The following UBR3 variants were observed in gnomAD, a reference collection of about 807,000 sequenced individuals.
The protein encoded by UBR3 is ubiquitin protein ligase E3 component n-recognin 3, also known as E3 ubiquitin-protein ligase UBR3.
A neutral mutation model predicts 243.2 loss-of-function variants in UBR3; 85 were observed. That is an observed-to-expected ratio of 0.35 (90% confidence interval 0.29 to 0.42). The LOEUF is 0.42. Among genes scored for constraint, UBR3 ranks in the 10% least tolerant of loss-of-function variants. The pLI is 1.00. For synonymous variants in UBR3, 748 were observed against 799.8 expected (o/e 0.94, Z 1.09); for missense variants, 1,686 against 2,300.8 (o/e 0.73, Z 5.47).
chr2:170,031,888 T>C (rs1022057303), intron 31 of UBR3, among the ~76,000 whole-genome samples: 14 of 152,172 alleles, frequency 9.2e-5, no homozygotes, highest in East Asian at 7.7e-4. Flanking sequence ...TAGTCCATGG[T>C]ATATAGGTAC....
At chr2:169,945,125 T>A (rs1395863780) in intron 20 of UBR3, among the ~76,000 whole-genome samples, 2 of 151,998 alleles carry the variant, frequency 1.3e-5, no homozygotes, top group Non-Finnish European at 2.9e-5. Flanking sequence ...TAATTTCAGT[T>A]TTATTTTTCT....
At position 170,001,548 on chromosome 2, in the gene UBR3, C is replaced by T. The variant is rs2089696455; in HGVS notation, c.4029+134C>T. The T allele has an allele frequency of 9.5e-5, 57 of 598,514 alleles. No individual in the cohort carries two copies. In the South Asian group the frequency reaches 1.2e-3, roughly 13 times the overall value. 37.1% of individuals were successfully genotyped at this position (598,514 alleles called of 1,614,324 possible). On this transcript the variant is annotated intron_variant, in intron 27 of 38. Coordinates refer to ENST00000272793, the MANE Select transcript of UBR3 (RefSeq NM_172070.4). ...TCATCGTATAAACTATCCAGTCTCA[C>T]TTTAACACAGACCTGTTCAACTTCA...
In UBR3 at chr2:170,052,450, CTAAG is replaced by C. The variant is rs140960436; in HGVS notation, c.4661-3008_4661-3005del. ...ACAATAGCCAAGATATGGAAACCAC[CTAAG>C]TGTCTGTCAATGGATGAATAAAGAT... On this transcript the variant is annotated intron_variant, in intron 32 of 38. Transcript: ENST00000272793. Among the ~76,000 whole-genome samples, 521 of 152,250 alleles carry C rather than the reference CTAAG, an allele frequency of 3.4e-3. 2 individuals carry two copies. Among genetic ancestry groups the C allele is most frequent in the African/African-American group, 0.012 (502 of 41,558 alleles).
intron 28 of UBR3, among the ~76,000 whole-genome samples, chr2:170,008,104 G>A (rs2089978028): frequency 6.6e-6 from 1 of 152,114 alleles, no homozygotes; most frequent in Non-Finnish European, 1.5e-5. Flanking sequence ...TCAGACTACT[G>A]TAGGGGGGAA....
intron 31 of UBR3, among the ~76,000 whole-genome samples, chr2:170,031,221 C>T (rs546468911): frequency 3.7e-4 from 56 of 152,036 alleles, no homozygotes; most frequent in Admixed American, 3.4e-3. Flanking sequence ...CTAGGATTAC[C>T]GGTGCGCACC....
intron 24 of UBR3, among the ~76,000 whole-genome samples, chr2:169,965,358 A>G (rs1476118642): frequency 6.6e-6 from 1 of 152,284 alleles, no homozygotes; most frequent in East Asian, 1.9e-4. Flanking sequence ...TTGTAAGGAC[A>G]TAAATAATCT....
Position 170,081,840 on chromosome 2 carries a change from G to A in UBR3, c.5664G>A (p.Leu1888=). Residue 1888 remains leucine (L), a synonymous_variant, in exon 39 of 39, where the codon CTG becomes CTA. Transcript: ENST00000272793. The part of the protein sequence containing the change: ...NKRWGPHYNG[L] ...GATGGGGTCCACATTACAATGGGCT[G>A]TGACTCTCCACCTCAGCATTGCATC... 6.3e-7 allele frequency: 1 copy of A among 1,577,764 alleles called. No individual in the cohort carries two copies. The highest frequency in any genetic ancestry group is 8.6e-7 in the Non-Finnish European group (1 of 1,158,462).
At chr2:169,870,678 G>A (rs1253617697) in intron 1 of UBR3, among the ~76,000 whole-genome samples, 3 of 151,436 alleles carry the variant, frequency 2.0e-5, no homozygotes, top group African/African-American at 7.3e-5. Flanking sequence ...TTTTGAGACA[G>A]ACTGTCACTT....
intron 8 of UBR3, among the ~76,000 whole-genome samples, chr2:169,897,540 C>A (rs528369122): frequency 6.6e-6 from 1 of 152,056 alleles, no homozygotes; most frequent in Admixed American, 6.6e-5. Context: ...GCTCTGTACC[C>A]CAGGCTGGAG....
chr2:170,080,166 A>ACT, intron 37 of UBR3, 143 bp downstream of exon 37: 1 of 803,156 alleles, frequency 1.2e-6, no homozygotes, highest in Non-Finnish European at 1.9e-6. Context: ...TTAATCCAGT[A>ACT]GAAGAGTAAA....
At position 169,947,543 on chromosome 2, in the gene UBR3, C is replaced by T; in HGVS notation, c.2912C>T (p.Ala971Val). 1 of 1,457,458 alleles carries T rather than the reference C, an allele frequency of 6.9e-7. No individual in the cohort carries two copies. The allele number at this position is 1,457,458 out of a possible 1,614,324, so 90.3% of individuals were successfully genotyped here. A position where few individuals can be genotyped will look rare whatever the true frequency, so the allele number is the denominator to read the frequency against. Residue 971 changes from alanine to valine, a missense_variant and splice_region_variant, in exon 22 of 39, where the codon GCA becomes GTA. Transcript: ENST00000272793. ...TATTCATTTTTTTTTTTATTTTAGG[C>T]ATCAGTGGGTGGACCAGAACGTTGT... Reference protein sequence around the residue: ...NSAEEESDEEASVGGPERCHD... With the variant: ...NSAEEESDEEVSVGGPERCHD...
At chr2:169,938,213 T>A (rs2086420788) in intron 19 of UBR3, among the ~76,000 whole-genome samples, 2 of 152,148 alleles carry the variant, frequency 1.3e-5, no homozygotes, top group Non-Finnish European at 2.9e-5. Context: ...TTTTAAGACC[T>A]CTTCATATAT....
chr2:170,071,623 G>GT (rs1358421902), intron 35 of UBR3, among the ~76,000 whole-genome samples: 1 of 152,128 alleles, frequency 6.6e-6, no homozygotes, highest in East Asian at 1.9e-4. Context: ...GCTCAGTAAA[G>GT]TTTTTTAAAA....
chr2:169,857,062 A>ATTTTTTTT (rs1553494582), intron 1 of UBR3, among the ~76,000 whole-genome samples: 6 of 28,498 alleles, frequency 2.1e-4, no homozygotes, highest in South Asian at 1.6e-3. Flanking sequence ...TAATTTTATT[A>ATTTTTTTT]TGTTTTTTTT....
chr2:169,982,350 A>G (rs2088776674), intron 24 of UBR3, among the ~76,000 whole-genome samples: 1 of 152,130 alleles, frequency 6.6e-6, no homozygotes. Flanking sequence ...TTCTATAAAT[A>G]CTTATTTTAG....
chr2:169,839,678 CACAT>C (rs1334159371), intron 1 of UBR3, among the ~76,000 whole-genome samples: 4 of 152,102 alleles, frequency 2.6e-5, no homozygotes, highest in Non-Finnish European at 4.4e-5. Context: ...CACACACACA[CACAT>C]ATAGTGCAAT....
chr2:169,913,314 G>A (rs562983859), intron 10 of UBR3, among the ~76,000 whole-genome samples: 1 of 149,998 alleles, frequency 6.7e-6, no homozygotes, highest in African/African-American at 2.4e-5. Context: ...TGGAAGAAAT[G>A]TCTTTTTAAA....
intron 5 of UBR3, among the ~76,000 whole-genome samples, 151 bp downstream of exon 5, chr2:169,878,725 G>A (rs1277636984): frequency 6.6e-6 from 1 of 152,144 alleles, no homozygotes; most frequent in African/African-American, 2.4e-5. Flanking sequence ...CAAGGACACT[G>A]AAGCCCATAA....
intron 10 of UBR3, among the ~76,000 whole-genome samples, chr2:169,913,328 T>C (rs1034914965): frequency 6.6e-6 from 1 of 151,002 alleles, no homozygotes; most frequent in African/African-American, 2.4e-5. Context: ...TTTTAAATCC[T>C]TTGCCTGTTT....
Sources: gnomAD v4.1 joint callset for allele counts (sites outside exome capture counted in the v4.1 genomes callset) on GRCh38, gnomAD v4.1.1 for gene constraint, MANE v1.5 for transcripts, NCBI Gene and HGNC (gene_info 2026-07-23, HGNC 2026-07-21) for gene names.